Variants in AP2A2 observed in about 807,000 individuals in gnomAD.
AP2A2 encodes the protein adaptor related protein complex 2 subunit alpha 2.
In AP2A2, 32 loss-of-function variants were observed where a neutral mutation model predicts 104.2. The observed-to-expected ratio is 0.31, with a 90% CI of 0.23 to 0.41. The LOEUF is 0.41. Among genes scored for constraint, AP2A2 ranks in the 10% least tolerant of loss-of-function variants. The pLI is 1.00. For synonymous variants in AP2A2, 539 were observed against 533.3 expected (o/e 1.01, Z -0.15); for missense variants, 912 against 1,261.0 (o/e 0.72, Z 4.19).
chr11:947,303 G>A (rs933333588), intron 1 of AP2A2, among the ~76,000 whole-genome samples: 33 of 152,134 alleles, frequency 2.2e-4, no homozygotes, highest in Middle Eastern at 3.4e-3. Context: ...GAGCCATTAC[G>A]CTTGGCCCCT....
At chr11:998,618 CT>C (rs1855932983) in intron 14 of AP2A2, among the ~76,000 whole-genome samples, 1 of 152,020 alleles carries the variant, frequency 6.6e-6, no homozygotes, top group African/African-American at 2.4e-5. Context: ...TGTTTTTTGC[CT>C]GTGAAATGCC....
chr11:969,080 T>A lies in AP2A2; in HGVS notation c.137-1089T>A, dbSNP rs1315872418. On this transcript the variant is annotated intron_variant, in intron 2 of 21. Coordinates refer to ENST00000448903, the MANE Select transcript of AP2A2 (RefSeq NM_012305.4). Reference sequence around the variant, plus strand: ...TCCCAGCCTGCGTTCCTTCACGCTGTGGCAGCAGAGTCTCTGTGAGACTCG... The same window carrying A: ...TCCCAGCCTGCGTTCCTTCACGCTGAGGCAGCAGAGTCTCTGTGAGACTCG... 3.3e-5 allele frequency among the ~76,000 whole-genome samples: 5 copies of A among 152,214 alleles called. No individual in the cohort carries two copies. The East Asian group carries it at 9.7e-4, about 30-fold the overall frequency.
intron 15 of AP2A2, among the ~76,000 whole-genome samples, chr11:1,002,752 T>C (rs1299510520): frequency 6.6e-6 from 1 of 152,266 alleles, no homozygotes; most frequent in Non-Finnish European, 1.5e-5. Flanking sequence ...GGGTGGCAGC[T>C]GTGGTGCAGT....
At chr11:1,010,142 C>T (rs888363773) in intron 21 of AP2A2, 11 of 469,366 alleles carry the variant, frequency 2.3e-5, no homozygotes, top group East Asian at 3.5e-5. Flanking sequence ...TGGCCCTGGG[C>T]GGTGGCTCTC....
In AP2A2 at chr11:970,241, A is replaced by G. The variant is rs772063564; in HGVS notation, c.209A>G (p.His70Arg). The change falls in exon 3 of 22, where the codon CAT becomes CGT. Residue 70 changes from histidine (H) to arginine (R), a missense_variant. This residue lies in a region of AP2A2 where 17 missense variants were observed against 57.3 expected (regional missense o/e 0.30). Coordinates refer to ENST00000448903, the MANE Select transcript of AP2A2 (RefSeq NM_012305.4). ...TTGCTCTTCATCTTTCTCCTTGGTCATGACATTGACTTTGGACACATGGAG... is the reference window on the plus strand; with the variant it reads ...TTGCTCTTCATCTTTCTCCTTGGTCGTGACATTGACTTTGGACACATGGAG... ...CKLLFIFLLG[H>R]DIDFGHMEAV... The G allele has an allele frequency of 6.2e-7, 1 of 1,614,004 alleles. No homozygotes were observed. The highest frequency in any genetic ancestry group is 8.5e-7 in the Non-Finnish European group (1 of 1,179,874).
At chr11:981,763 G>A (rs539861612) in intron 6 of AP2A2, among the ~76,000 whole-genome samples, 2 of 152,256 alleles carry the variant, frequency 1.3e-5, no homozygotes, top group African/African-American at 2.4e-5. Flanking sequence ...TGAATTGTCC[G>A]CTGCAGTTTA....
At position 1,008,143 on chromosome 11, in the gene AP2A2, C is replaced by A; in HGVS notation, c.2420+8C>A. On this transcript the variant is annotated splice_region_variant and intron_variant, in intron 18 of 21. Transcript: ENST00000448903. Reference sequence around the variant, plus strand: ...CCTCAACATTCAGTTCAGGTAAGAGCCGCCTGTGCGCCCCGGGCCAAGGGG... The same window carrying A: ...CCTCAACATTCAGTTCAGGTAAGAGACGCCTGTGCGCCCCGGGCCAAGGGG... 2 of 1,595,756 alleles carry A rather than the reference C, an allele frequency of 1.3e-6. No homozygotes were observed. Among genetic ancestry groups the A allele is most frequent in the Non-Finnish European group, 1.7e-6 (2 of 1,170,648 alleles).
chr11:1,009,185 G>A lies in AP2A2; in HGVS notation c.2506G>A (p.Asp836Asn), dbSNP rs376198040. 5.5e-5 allele frequency: 88 copies of A among 1,613,644 alleles called. No homozygotes were observed. Among genetic ancestry groups the A allele is most frequent in the Non-Finnish European group, 7.2e-5 (85 of 1,179,886 alleles). ...FFQPTEMASQ[D>N]FFQRWKQLSN... ...CCAGCCGACAGAAATGGCTTCTCAG[G>A]ATTTCTTTCAACGTTGGAAGCAGTT... Residue 836 changes from aspartate (D) to asparagine (N), a missense_variant, in exon 19 of 22, where the codon GAT becomes AAT. Asp to Asn is a conservative substitution (Grantham distance 23). This residue lies in a region of AP2A2 where 239 missense variants were observed against 329.8 expected (regional missense o/e 0.72). Coordinates refer to ENST00000448903, the MANE Select transcript of AP2A2 (RefSeq NM_012305.4).
At chr11:973,985 A>T (rs1416361336) in intron 4 of AP2A2, among the ~76,000 whole-genome samples, 1 of 152,222 alleles carries the variant, frequency 6.6e-6, no homozygotes, top group Non-Finnish European at 1.5e-5. Flanking sequence ...GTGCAGATTG[A>T]TGAAGTGGGG....
In AP2A2 at chr11:956,359, C is replaced by T. The variant is rs555929233; in HGVS notation, c.68-3078C>T. On this transcript the variant is annotated intron_variant, in intron 1 of 21. Coordinates refer to ENST00000448903, the MANE Select transcript of AP2A2 (RefSeq NM_012305.4). ...TGTATTTTTAGTAGAGACGGGGTTT[C>T]GCCACGTTGGCTAGGCTGGTCTCCA... Among the ~76,000 whole-genome samples the T allele has an allele frequency of 1.3e-3, 191 of 152,222 alleles. 1 individual carries two copies. Among genetic ancestry groups the T allele is most frequent in the Admixed American group, 3.4e-3 (52 of 15,284 alleles).
At position 981,314 on chromosome 11, in the gene AP2A2, G is replaced by A. The variant is rs1322854733; in HGVS notation, c.705+15G>A. On this transcript the variant is annotated intron_variant, in intron 6 of 21. Transcript: ENST00000448903. ...GGCTAAGCAGAGTAAGTCTGTTCGTGGGGGAGCAGAAGTCAGGGTGGGTTT... is the reference window on the plus strand; with the variant it reads ...GGCTAAGCAGAGTAAGTCTGTTCGTAGGGGAGCAGAAGTCAGGGTGGGTTT... The A allele has an allele frequency of 6.3e-7, 1 of 1,579,464 alleles. No individual in the cohort carries two copies. The highest frequency in any genetic ancestry group is 1.7e-5 in the Admixed American group (1 of 58,772).
At chr11:970,084 C>T in intron 2 of AP2A2, 85 bp from the exon 3 acceptor site, 1 of 1,473,994 alleles carries the variant, frequency 6.8e-7, no homozygotes, top group Non-Finnish European at 9.3e-7. Context: ...GTGCTGCCTG[C>T]TGTACTGCTG....
At chr11:941,012 G>A (rs1436586033) in intron 1 of AP2A2, 9 of 428,302 alleles carry the variant, frequency 2.1e-5, no homozygotes, top group Admixed American at 2.7e-5. Flanking sequence ...TCCACACTCC[G>A]TGGAGCTCGG....
chr11:952,358 A>G (rs956238800), intron 1 of AP2A2, among the ~76,000 whole-genome samples: 11 of 152,204 alleles, frequency 7.2e-5, no homozygotes, highest in Admixed American at 5.2e-4. Context: ...TAAACAAGAA[A>G]TCATTAACCA....
At chr11:936,673 C>T (rs545737317) in intron 1 of AP2A2, among the ~76,000 whole-genome samples, 1 of 152,180 alleles carries the variant, frequency 6.6e-6, no homozygotes. Flanking sequence ...CAGGTGTGAG[C>T]CACCACGCCT....
chr11:1,008,419 A>G, intron 18 of AP2A2: 1 of 388,448 alleles, frequency 2.6e-6, no homozygotes, highest in Non-Finnish European at 4.6e-6. Flanking sequence ...GGGGTGGCAG[A>G]CAGCCAGGGC....
At chr11:941,497 G>T (rs538248870) in intron 1 of AP2A2, among the ~76,000 whole-genome samples, 25 of 152,040 alleles carry the variant, frequency 1.6e-4, no homozygotes, top group African/African-American at 5.8e-4. Flanking sequence ...GCCCAGGCTG[G>T]TCCTGAACTC....
chr11:954,624 A>G (rs1197054973), intron 1 of AP2A2, among the ~76,000 whole-genome samples: 2 of 151,112 alleles, frequency 1.3e-5, no homozygotes, highest in African/African-American at 4.9e-5. Context: ...TATTTGGTTT[A>G]TGTGTGCTTG....
chr11:993,663 G>C lies in AP2A2; in HGVS notation c.1551-91G>C. 1 of 1,006,844 alleles carries C rather than the reference G, an allele frequency of 9.9e-7. No individual in the cohort carries two copies. The allele number at this position is 1,006,844 out of a possible 1,614,324, so 62.4% of individuals were successfully genotyped here. A position where few individuals can be genotyped will look rare whatever the true frequency, so the allele number is the denominator to read the frequency against. On this transcript the variant is annotated intron_variant, in intron 12 of 21. Coordinates refer to ENST00000448903, the MANE Select transcript of AP2A2 (RefSeq NM_012305.4). This position sits in a 1 kb window ranked among gnomAD's most constrained non-coding sequence, Gnocchi z 8.2. ...GACCAGCGGCCTCTGGTGCAGGCCA[G>C]GGGGTCTCGCCGCCGTCCCCCCCCC...
Sources: allele counts gnomAD v4.1 joint callset (sites outside exome capture counted in the v4.1 genomes callset), GRCh38; gene constraint gnomAD v4.1.1; regional missense constraint gnomAD v4.1.1; non-coding constraint Gnocchi (gnomAD v3.1); transcripts MANE v1.5; gene names NCBI Gene and HGNC (gene_info 2026-07-23, HGNC 2026-07-21).